The following MACROD2 variants were observed in gnomAD, a reference collection of about 807,000 sequenced individuals.
MACROD2 encodes the protein mono-ADP ribosylhydrolase 2.
A neutral mutation model predicts 70.4 loss-of-function variants in MACROD2; 36 were observed. The ratio of observed to expected loss-of-function variants is 0.51; its 90% CI spans 0.39 to 0.68. The LOEUF (loss-of-function observed/expected upper bound fraction) is 0.68. Among genes scored for constraint, MACROD2 ranks in the 30% least tolerant of loss-of-function variants. The pLI, the probability that MACROD2 is intolerant of heterozygous loss-of-function variation, is 0.00. For missense variants in MACROD2, 496 were observed against 538.4 expected, an observed-to-expected ratio of 0.92 and a Z score of 0.78; for synonymous variants, 172 against 178.8, an observed-to-expected ratio of 0.96 and a Z score of 0.30.
At chr20:15,158,244 G>A (rs1277105462) in intron 5 of MACROD2, among the ~76,000 whole-genome samples, 1 of 152,070 alleles carries the variant, frequency 6.6e-6, no homozygotes, top group African/African-American at 2.4e-5. Context: ...CTTCAAATAG[G>A]CATCTCTTCC....
intron 6 of MACROD2, among the ~76,000 whole-genome samples, chr20:15,378,154 AAGAGAG>A (rs10534893): frequency 8.7e-5 from 13 of 149,470 alleles, no homozygotes; most frequent in East Asian, 2.0e-4. Context: ...AAAATAAAAG[AAGAGAG>A]AGAGAGAGAG....
chr20:15,187,859 A>G, intron 5 of MACROD2, among the ~76,000 whole-genome samples: 1 of 152,114 alleles, frequency 6.6e-6, no homozygotes, highest in East Asian at 1.9e-4. Context: ...TGGTTGTTTA[A>G]TATTTGGTTC....
intron 6 of MACROD2, among the ~76,000 whole-genome samples, chr20:15,362,635 A>G (rs1008802742): frequency 6.6e-6 from 1 of 152,086 alleles, no homozygotes; most frequent in Non-Finnish European, 1.5e-5. Flanking sequence ...TAGTTATTCA[A>G]TTCATTATTA....
At chr20:14,654,487 A>G (rs1032884825) in intron 4 of MACROD2, among the ~76,000 whole-genome samples, 8 of 151,228 alleles carry the variant, frequency 5.3e-5, no homozygotes, top group African/African-American at 1.9e-4. Flanking sequence ...TGGAGGTTGC[A>G]GTGAGCCAAA....
At chr20:14,820,841 ACT>A (rs2072835983) in intron 5 of MACROD2, among the ~76,000 whole-genome samples, 1 of 151,700 alleles carries the variant, frequency 6.6e-6, no homozygotes, top group African/African-American at 2.4e-5. Flanking sequence ...AGCTGCCGTG[ACT>A]CTCTGTATAG....
intron 8 of MACROD2, among the ~76,000 whole-genome samples, chr20:15,855,405 A>G (rs573616891): frequency 1.3e-3 from 202 of 152,336 alleles, no homozygotes; most frequent in Non-Finnish European, 2.3e-3. Flanking sequence ...CAGTGAAAAT[A>G]CACAGAGAGA....
At chr20:15,458,480 T>A (rs963149274) in intron 7 of MACROD2, among the ~76,000 whole-genome samples, 1 of 151,968 alleles carries the variant, frequency 6.6e-6, no homozygotes, top group African/African-American at 2.4e-5. Context: ...AAAGCTGGAG[T>A]TAACACTCCA....
At chr20:14,132,516 C>T (rs1304699481) in intron 3 of MACROD2, among the ~76,000 whole-genome samples, 2 of 152,156 alleles carry the variant, frequency 1.3e-5, no homozygotes, top group African/African-American at 4.8e-5. Context: ...ATATAAACAG[C>T]AACACATTTG....
At position 15,412,274 on chromosome 20, in the gene MACROD2, A is replaced by C. The variant is rs149340084; in HGVS notation, c.541-19131A>C. On this transcript the variant is annotated intron_variant, in intron 6 of 17. Coordinates refer to ENST00000684519, the MANE Select transcript of MACROD2 (RefSeq NM_001351661.2). Reference sequence around the variant, plus strand: ...GGAGTTCAGTGGGATATAATTTTGCATATGCATTATTAAAAAAAAGAAAAA... The same window carrying C: ...GGAGTTCAGTGGGATATAATTTTGCCTATGCATTATTAAAAAAAAGAAAAA... Among the ~76,000 whole-genome samples, 599 of 152,282 alleles carry C rather than the reference A, an allele frequency of 3.9e-3. 3 individuals are homozygous for C. Among genetic ancestry groups the C allele is most frequent in the African/African-American group, 0.014 (581 of 41,552 alleles).
intron 8 of MACROD2, among the ~76,000 whole-genome samples, chr20:15,660,296 G>A (rs2049801295): frequency 6.6e-6 from 1 of 152,016 alleles, no homozygotes; most frequent in Non-Finnish European, 1.5e-5. Context: ...TTGAAAAAAA[G>A]TAATCATCGA....
chr20:15,365,004 C>T (rs976491404), intron 6 of MACROD2, among the ~76,000 whole-genome samples: 1 of 152,174 alleles, frequency 6.6e-6, no homozygotes, highest in Admixed American at 6.5e-5. Flanking sequence ...GTTTTACTGT[C>T]AAAGGCAGAA....
At chr20:15,811,103 A>C (rs1260221828) in intron 8 of MACROD2, among the ~76,000 whole-genome samples, 2 of 152,080 alleles carry the variant, frequency 1.3e-5, no homozygotes, top group Non-Finnish European at 2.9e-5. Context: ...TAATTAAACT[A>C]AAGAGCTTCT....
At chr20:14,594,533 A>C (rs948002386) in intron 4 of MACROD2, among the ~76,000 whole-genome samples, 1 of 151,768 alleles carries the variant, frequency 6.6e-6, no homozygotes, top group Non-Finnish European at 1.5e-5. Context: ...TTAATATAAC[A>C]TATTTTTTCA....
intron 5 of MACROD2, among the ~76,000 whole-genome samples, chr20:14,872,691 A>C (rs993087689): frequency 1.3e-5 from 2 of 152,138 alleles, no homozygotes; most frequent in Non-Finnish European, 2.9e-5. Context: ...TTAGCAAAAA[A>C]TATAGGAATA....
chr20:14,868,665 A>G (rs928390249), intron 5 of MACROD2, among the ~76,000 whole-genome samples: 9 of 152,090 alleles, frequency 5.9e-5, no homozygotes, highest in Admixed American at 2.0e-4. Context: ...ACTTTCACAA[A>G]TGGATCCTCA....
intron 5 of MACROD2, among the ~76,000 whole-genome samples, chr20:14,867,504 GA>G (rs896433712): frequency 6.6e-6 from 1 of 152,112 alleles, no homozygotes; most frequent in African/African-American, 2.4e-5. Context: ...CTAGACACAG[GA>G]AAGTTGCTAT....
chr20:15,096,925 C>T (rs539168860), intron 5 of MACROD2, among the ~76,000 whole-genome samples: 1 of 150,224 alleles, frequency 6.7e-6, no homozygotes, highest in East Asian at 2.0e-4. Context: ...AATTATCTTA[C>T]CTCAGCCTCC....
At chr20:15,480,103 T>A (rs2047076209) in intron 7 of MACROD2, among the ~76,000 whole-genome samples, 1 of 152,328 alleles carries the variant, frequency 6.6e-6, no homozygotes, top group East Asian at 1.9e-4. Context: ...TATAAAGTCC[T>A]TATTGTTACC....
intron 8 of MACROD2, among the ~76,000 whole-genome samples, chr20:15,519,056 T>C (rs1254917349): frequency 6.8e-5 from 1 of 14,782 alleles, no homozygotes; most frequent in Admixed American, 6.7e-4. Flanking sequence ...AACTCGCTCT[T>C]TCCTTCCTTC....
Sources: allele counts gnomAD v4.1 joint callset (sites outside exome capture counted in the v4.1 genomes callset), GRCh38; gene constraint gnomAD v4.1.1; transcripts MANE v1.5; gene names NCBI Gene and HGNC (gene_info 2026-07-23, HGNC 2026-07-21).